The following DOCK8 variants were observed in gnomAD, a reference collection of about 807,000 sequenced individuals.
DOCK8 encodes the protein dedicator of cytokinesis 8.
In DOCK8, 141 loss-of-function variants were observed where a neutral mutation model predicts 245.6. The observed-to-expected ratio is 0.57, with a 90% confidence interval of 0.50 to 0.66. DOCK8 has a LOEUF of 0.66. Among genes scored for constraint, DOCK8 ranks in the 30% least tolerant of loss-of-function variants. The pLI, the probability that DOCK8 is intolerant of heterozygous loss-of-function variation, is 0.00. For synonymous variants in DOCK8, 1,168 were observed against 970.2 expected (o/e 1.20, Z -3.79); for missense variants, 2,965 against 2,603.4 (o/e 1.14, Z -3.02).
At chr9:426,788 T>G (rs1363288519) in intron 33 of DOCK8, 97 bp from the exon 34 acceptor site, 1 of 938,382 alleles carries the variant, frequency 1.1e-6, no homozygotes, top group Non-Finnish European at 1.7e-6. Context: ...GGTTGACTAT[T>G]TTGGAGATTT....
At chr9:368,301 G>T in intron 15 of DOCK8, 166 bp downstream of exon 15, 1 of 765,324 alleles carries the variant, frequency 1.3e-6, no homozygotes, top group African/African-American at 1.7e-5. Context: ...GGGAAACAGG[G>T]TCAGTCTTAC....
At chr9:314,613 T>C (rs2050267395) in intron 6 of DOCK8, 1 of 152,216 alleles carries the variant, frequency 6.6e-6, no homozygotes, top group African/African-American at 2.4e-5. Flanking sequence ...GTTGCAGTTA[T>C]TTGTAAACTG....
Position 325,663 on chromosome 9 carries a change from T to G in DOCK8, c.828-8T>G. 8 of 1,613,306 alleles carry G rather than the reference T, an allele frequency of 5.0e-6. No individual in the cohort carries two copies. The highest frequency in any genetic ancestry group is 6.8e-6 in the Non-Finnish European group (8 of 1,179,222). On this transcript the variant is annotated splice_polypyrimidine_tract_variant and splice_region_variant and intron_variant, in intron 7 of 47. Transcript: ENST00000432829. ...AGCCACATAGATTTTCCTCTCTTTC[T>G]ATGGTAGGTTCGAGATTGAAATTGA...
chr9:391,618 C>A (rs1266114093), intron 24 of DOCK8, among the ~76,000 whole-genome samples: 1 of 151,962 alleles, frequency 6.6e-6, no homozygotes, highest in Non-Finnish European at 1.5e-5. Flanking sequence ...CCCATAGAGG[C>A]ACTAAAAATA....
intron 14 of DOCK8, among the ~76,000 whole-genome samples, chr9:353,680 A>G (rs933039011): frequency 2.0e-5 from 3 of 152,176 alleles, no homozygotes; most frequent in African/African-American, 7.2e-5. Context: ...GGCCTCAAAA[A>G]AAAAGAAAAA....
In DOCK8 at chr9:312,021, T is replaced by TG; in HGVS notation, c.596_597insG (p.Phe199LeufsTer2). On this transcript the variant is annotated frameshift_variant, in exon 6 of 48. Transcript: ENST00000432829. LOFTEE classifies it high-confidence loss of function. ...AAAGGCCCCGTCACTGCCTGTGACT[T>TG]TGACCTCCGCAGCCTGCAGCCTGAC... is the stretch of plus-strand genomic sequence containing the variant. The TG allele has an allele frequency of 6.2e-7, 1 of 1,614,196 alleles. No individual in the cohort carries two copies. The highest frequency in any genetic ancestry group is 8.5e-7 in the Non-Finnish European group (1 of 1,180,030).
intron 1 of DOCK8, among the ~76,000 whole-genome samples, chr9:261,277 T>C (rs980211907): frequency 6.6e-6 from 1 of 152,208 alleles, no homozygotes. Flanking sequence ...AAATATTACA[T>C]GTAGTTTTCT....
chr9:420,826 G>A, intron 31 of DOCK8, 123 bp from the exon 32 acceptor site: 2 of 1,394,846 alleles, frequency 1.4e-6, no homozygotes, highest in Non-Finnish European at 2.0e-6. Context: ...CTCCAGAGCA[G>A]CATCTCAGTG....
chr9:393,025 G>A (rs941003348), intron 24 of DOCK8, among the ~76,000 whole-genome samples: 16 of 142,224 alleles, frequency 1.1e-4, no homozygotes, highest in African/African-American at 3.5e-4. Context: ...GTTCAAGGCT[G>A]CAGTGAGCCT....
intron 37 of DOCK8, among the ~76,000 whole-genome samples, chr9:432,681 G>C (rs10124264): frequency 0.014 from 2,142 of 152,254 alleles, 45 homozygotes; most frequent in African/African-American, 0.047. Context: ...GGCCAGGAAA[G>C]CCTGCAGGGA....
intron 1 of DOCK8, among the ~76,000 whole-genome samples, chr9:236,656 A>C (rs1479944909): frequency 6.6e-6 from 1 of 152,230 alleles, no homozygotes; most frequent in Admixed American, 6.5e-5. Context: ...GTATTAATCA[A>C]GGTAAGCTAG....
chr9:277,472 A>AGGGGAGGGGAGGGG (rs1563865251), intron 2 of DOCK8, among the ~76,000 whole-genome samples: 1 of 124,864 alleles, frequency 8.0e-6, no homozygotes. Context: ...AAGAGAAGAG[A>AGGGGAGGGGAGGGG]AGAGAAGAGA....
intron 26 of DOCK8, among the ~76,000 whole-genome samples, chr9:400,013 TCACCACCACCTC>T (rs1301389412): frequency 5.3e-4 from 24 of 45,712 alleles, no homozygotes; most frequent in South Asian, 2.4e-3. Context: ...ACCTCCACCA[TCACCACCACCTC>T]CACCATCACC....
At chr9:227,182 G>A (rs1010795554) in intron 1 of DOCK8, among the ~76,000 whole-genome samples, 1 of 152,160 alleles carries the variant, frequency 6.6e-6, no homozygotes, top group African/African-American at 2.4e-5. Flanking sequence ...GGAAGAAGAA[G>A]CAATTATAAA....
chr9:463,973 G>A (rs1239647318), intron 47 of DOCK8, among the ~76,000 whole-genome samples, 186 bp from the exon 48 acceptor site: 1 of 152,152 alleles, frequency 6.6e-6, no homozygotes, highest in Non-Finnish European at 1.5e-5. Context: ...TGGTTGGTTT[G>A]TATGTTTGTT....
At chr9:232,911 A>G (rs1206670989) in intron 1 of DOCK8, among the ~76,000 whole-genome samples, 1 of 151,838 alleles carries the variant, frequency 6.6e-6, no homozygotes, top group East Asian at 1.9e-4. Context: ...TTCTGCTCTG[A>G]TCTTAGTTAT....
intron 1 of DOCK8, among the ~76,000 whole-genome samples, chr9:223,986 A>C (rs1050293931): frequency 1.5e-4 from 23 of 152,202 alleles, no homozygotes; most frequent in Non-Finnish European, 2.8e-4. Context: ...TAAATAAAAT[A>C]ATATCAGCTT....
intron 1 of DOCK8, among the ~76,000 whole-genome samples, chr9:249,258 C>T (rs892125698): frequency 2.0e-5 from 3 of 151,952 alleles, no homozygotes; most frequent in African/African-American, 7.2e-5. Context: ...CCCAAGGTGC[C>T]ACGCCCAGTT....
chr9:377,599 T>G (rs531496717), intron 20 of DOCK8, among the ~76,000 whole-genome samples: 3 of 152,234 alleles, frequency 2.0e-5, no homozygotes, highest in African/African-American at 7.2e-5. Context: ...ACTCTCTACA[T>G]TGAAATGCAA....
Sources: allele counts gnomAD v4.1 joint callset (sites outside exome capture counted in the v4.1 genomes callset), GRCh38; gene constraint gnomAD v4.1.1; transcripts MANE v1.5; gene names NCBI Gene and HGNC (gene_info 2026-07-23, HGNC 2026-07-21).